The following CEP20 variants were observed in gnomAD, a reference collection of about 807,000 sequenced individuals.
CEP20 encodes centrosomal protein 20, also known as FGFR1OP N-terminal like.
CEP20 carries 18 observed loss-of-function variants against 20.0 expected under a neutral mutation model. The observed-to-expected ratio is 0.90, with a 90% confidence interval of 0.62 to 1.34. CEP20 has a LOEUF of 1.34. CEP20 is among the 40% of genes most tolerant of loss of function. The pLI, the probability that CEP20 is intolerant of heterozygous loss-of-function variation, is 0.00. For synonymous variants in CEP20, 77 were observed against 73.7 expected, an observed-to-expected ratio of 1.04 and a Z score of -0.23; for missense variants, 215 against 201.6, an observed-to-expected ratio of 1.07 and a Z score of -0.40.
At chr16:15,874,523 C>G (rs763483105) in intron 3 of CEP20, among the ~76,000 whole-genome samples, 29 of 152,200 alleles carry the variant, frequency 1.9e-4, no homozygotes, top group Non-Finnish European at 3.8e-4. Flanking sequence ...TATTAGTACT[C>G]TTGCATCAAG....
chr16:15,876,372 G>A (rs60489163), intron 3 of CEP20, among the ~76,000 whole-genome samples: 10,454 of 151,964 alleles, frequency 0.069, 477 homozygotes, highest in East Asian at 0.21. Flanking sequence ...CTACTTGGGA[G>A]GCTGAGGCAG....
intron 4 of CEP20, among the ~76,000 whole-genome samples, chr16:15,872,033 G>C (rs2044831405): frequency 6.6e-6 from 1 of 152,178 alleles, no homozygotes; most frequent in East Asian, 1.9e-4. Context: ...ACCAGCTCTT[G>C]GTTGGGCGCG....
chr16:15,884,191 A>C lies in CEP20; in HGVS notation c.43T>G (p.Leu15Val). The change falls in exon 2 of 5, where the codon TTG (leucine) becomes GTG (valine). Residue 15 changes from leucine (L) to valine (V), a missense_variant. Transcript: ENST00000255759. ...AELKAVLKDT[L>V]EKKGVLGHLK... ...TGCCCTAATACCCCCTTTTTTTCCA[A>C]GGTGTCCTTTAAAACTGTTCGATAT... is the stretch of plus-strand genomic sequence containing the variant. 1.2e-6 allele frequency: 2 copies of C among 1,610,658 alleles called. No homozygotes were observed. The highest frequency in any genetic ancestry group is 1.7e-6 in the Non-Finnish European group (2 of 1,177,372).
intron 3 of CEP20, chr16:15,877,296 G>A (rs991905781): frequency 6.6e-6 from 1 of 152,250 alleles, no homozygotes; most frequent in Non-Finnish European, 1.5e-5. Flanking sequence ...TCTGAAGTAG[G>A]TATCTCAAAA....
At chr16:15,868,092 C>T (rs2044729820) in intron 4 of CEP20, among the ~76,000 whole-genome samples, 1 of 151,336 alleles carries the variant, frequency 6.6e-6, no homozygotes, top group Non-Finnish European at 1.5e-5. Flanking sequence ...TAAACCCATG[C>T]ATAAGTAGTT....
At chr16:15,883,271 G>A (rs993120055) in intron 2 of CEP20, among the ~76,000 whole-genome samples, 4 of 152,108 alleles carry the variant, frequency 2.6e-5, no homozygotes, top group Non-Finnish European at 5.9e-5. Context: ...ACTGACGCAG[G>A]AAGACTGCTT....
chr16:15,881,045 A>T (rs1161394477), intron 2 of CEP20, among the ~76,000 whole-genome samples: 2 of 152,074 alleles, frequency 1.3e-5, no homozygotes, highest in Admixed American at 1.3e-4. Context: ...CAATAAATGG[A>T]GTATGCTTGA....
At chr16:15,887,059 CTCT>C (rs1446482427) in intron 1 of CEP20, among the ~76,000 whole-genome samples, 1 of 151,836 alleles carries the variant, frequency 6.6e-6, no homozygotes, top group Non-Finnish European at 1.5e-5. Flanking sequence ...CTATGCCCGG[CTCT>C]TTTTTTTAAT....
chr16:15,887,171 C>A (rs909679502), intron 1 of CEP20, among the ~76,000 whole-genome samples: 1 of 152,138 alleles, frequency 6.6e-6, no homozygotes, highest in Non-Finnish European at 1.5e-5. Context: ...GGATTACAGG[C>A]ATGAGCCACT....
At chr16:15,882,731 ATATCTATC>A (rs68035220) in intron 2 of CEP20, among the ~76,000 whole-genome samples, 14,948 of 145,466 alleles carry the variant, frequency 0.1, 848 homozygotes, top group African/African-American at 0.16. Context: ...TATCTCCATT[ATATCTATC>A]TATCTATCTA....
chr16:15,866,745 CTT>C lies in CEP20; in HGVS notation c.*693_*694del, dbSNP rs1182463327. 4 of 152,186 alleles carry C rather than the reference CTT, an allele frequency of 2.6e-5. No homozygotes were observed. Among genetic ancestry groups the C allele is most frequent in the East Asian group, 1.9e-4 (1 of 5,200 alleles). 9.4% of individuals were successfully genotyped at this position (152,186 alleles called of 1,614,324 possible). A position where few individuals can be genotyped will look rare whatever the true frequency, so the allele number is the denominator to read the frequency against. On this transcript the variant is annotated 3_prime_UTR_variant, in exon 5 of 5. Coordinates refer to ENST00000255759, the MANE Select transcript of CEP20 (RefSeq NM_144600.4). ...CATTCTTTATCTAATAAAATAAACT[CTT>C]TGTTTTATTTACAGCAAAATTATTA...
chr16:15,869,456 G>A (rs186595573), intron 4 of CEP20, among the ~76,000 whole-genome samples: 10 of 151,976 alleles, frequency 6.6e-5, no homozygotes, highest in Admixed American at 3.9e-4. Flanking sequence ...GACTACAGGC[G>A]TACACCACCA....
intron 3 of CEP20, among the ~76,000 whole-genome samples, chr16:15,874,202 T>C (rs528234614): frequency 2.6e-5 from 4 of 152,206 alleles, no homozygotes; most frequent in Non-Finnish European, 5.9e-5. Context: ...AGTTAATAAA[T>C]GTCAAGTGTT....
chr16:15,870,468 A>C (rs2044786777), intron 4 of CEP20, among the ~76,000 whole-genome samples: 1 of 152,200 alleles, frequency 6.6e-6, no homozygotes, highest in Non-Finnish European at 1.5e-5. Context: ...CAACAACTCT[A>C]CTTTAGGCAT....
intron 3 of CEP20, among the ~76,000 whole-genome samples, chr16:15,876,345 T>C (rs1450750666): frequency 1.3e-5 from 2 of 151,894 alleles, no homozygotes; most frequent in Non-Finnish European, 2.9e-5. Flanking sequence ...CGTGGTGGCA[T>C]GCGTCTATAG....
In CEP20 at chr16:15,867,989, A is replaced by G. The variant is rs190871527; in HGVS notation, c.449-473T>C. Among the ~76,000 whole-genome samples, 8 of 151,698 alleles carry G rather than the reference A, an allele frequency of 5.3e-5. No individual in the cohort carries two copies. In the East Asian group the frequency reaches 9.7e-4, roughly 18 times the overall value. ...ACTCGGTCTCAAAAAAAAAAAAAAA[A>G]AAAAGAAAGAAATCAGAAATGTCTG... On this transcript the variant is annotated intron_variant, in intron 4 of 4. Transcript: ENST00000255759.
intron 4 of CEP20, among the ~76,000 whole-genome samples, chr16:15,868,196 C>T (rs1414887687): frequency 1.3e-5 from 2 of 151,296 alleles, no homozygotes; most frequent in Non-Finnish European, 2.9e-5. Context: ...TCTTCAATTA[C>T]AACACAATGA....
intron 3 of CEP20, among the ~76,000 whole-genome samples, chr16:15,878,480 A>C (rs992908464): frequency 1.4e-5 from 2 of 146,136 alleles, no homozygotes; most frequent in African/African-American, 5.1e-5. Context: ...TATATAGTAA[A>C]GCAAACAACT....
At chr16:15,885,838 A>G (rs781577761) in intron 1 of CEP20, 4 of 152,268 alleles carry the variant, frequency 2.6e-5, no homozygotes, top group African/African-American at 4.8e-5. Flanking sequence ...AATCTAACTT[A>G]CTGATTAGCC....
Sources: allele counts gnomAD v4.1 joint callset (sites outside exome capture counted in the v4.1 genomes callset), GRCh38; gene constraint gnomAD v4.1.1; transcripts MANE v1.5; gene names NCBI Gene and HGNC (gene_info 2026-07-23, HGNC 2026-07-21).